ANKRD24: variants seen among roughly 807,000 people sequenced by gnomAD.
ANKRD24 encodes ankyrin repeat domain-containing protein 24.
A neutral mutation model predicts 127.8 loss-of-function variants in ANKRD24; 109 were observed. The observed-to-expected ratio is 0.85, with a 90% confidence interval of 0.73 to 1.00. The LOEUF is 1.00. Among genes scored for constraint, ANKRD24 ranks in the 50% least tolerant of loss-of-function variants. The pLI is 0.00. For missense variants in ANKRD24, 1,648 were observed against 1,570.2 expected, an observed-to-expected ratio of 1.05 and a Z score of -0.84; for synonymous variants, 743 against 671.1, an observed-to-expected ratio of 1.11 and a Z score of -1.66.
intron 10 of ANKRD24, 87 bp downstream of exon 10, chr19:4,208,055 AC>A (rs1331466827): frequency 1.5e-6 from 2 of 1,324,780 alleles, no homozygotes; most frequent in Admixed American, 3.4e-5. Flanking sequence ...GTTTCAAGGT[AC>A]CCCCGATTGG....
At chr19:4,219,780 C>G (rs1555720655) in intron 19 of ANKRD24, 22 bp downstream of exon 19, 1 of 1,583,234 alleles carries the variant, frequency 6.3e-7, no homozygotes, top group Non-Finnish European at 8.6e-7. Flanking sequence ...CTCTCCCACA[C>G]TCAGTCAGGG....
chr19:4,199,659 G>A lies in ANKRD24; in HGVS notation c.37-24G>A, dbSNP rs1203574024. On this transcript the variant is annotated intron_variant, in intron 2 of 21. Transcript: ENST00000318934. This position sits in a 1 kb window ranked among gnomAD's most constrained non-coding sequence, Gnocchi z 5.2. ...GGGGACACTGTCTGAGGACCCCCTC[G>A]CCCAGGACCACCTCCCCCTGCAGCT... The A allele has an allele frequency of 2.2e-5, 34 of 1,515,592 alleles. No individual in the cohort carries two copies. Among genetic ancestry groups the A allele is most frequent in the Middle Eastern group, 2.4e-4 (1 of 4,248 alleles). 93.9% of individuals were successfully genotyped at this position (1,515,592 alleles called of 1,614,324 possible). A position where few individuals can be genotyped will look rare whatever the true frequency, so the allele number is the denominator to read the frequency against.
Position 4,200,002 on chromosome 19 carries a change from C to T in ANKRD24, c.251C>T (p.Ser84Phe), listed in dbSNP as rs1291471886. The T allele has an allele frequency of 6.4e-7, 1 of 1,563,576 alleles. No homozygotes were observed. The highest frequency in any genetic ancestry group is 1.2e-5 in the South Asian group (1 of 85,068). ...ACGAAGCTAGACCCCGAGGGCAAGT[C>T]CGCGTGAGTGCCCGCGACCCGGGAG... ...VPTKLDPEGK[S>F]AFHLAAMRGA... Residue 84 changes from serine (S) to phenylalanine (F), a missense_variant, in exon 4 of 22, where the codon TCC becomes TTC. Ser to Phe is a radical substitution (Grantham distance 155, BLOSUM62 -2). Transcript: ENST00000318934.
At position 4,207,325 on chromosome 19, in the gene ANKRD24, G is replaced by C; in HGVS notation, c.537+13G>C. On this transcript the variant is annotated intron_variant, in intron 8 of 21. Coordinates refer to ENST00000318934, the MANE Select transcript of ANKRD24 (RefSeq NM_001393985.1). ...CCCCCAAGATCGGGTAAGCTTCTGGGATCTCTTCAGGGAAGATGTTATGCT... is the reference window on the plus strand; with the variant it reads ...CCCCCAAGATCGGGTAAGCTTCTGGCATCTCTTCAGGGAAGATGTTATGCT... The C allele has an allele frequency of 6.2e-7, 1 of 1,612,488 alleles. No homozygotes were observed. The highest frequency in any genetic ancestry group is 8.5e-7 in the Non-Finnish European group (1 of 1,178,618).
intron 16 of ANKRD24, 40 bp from the exon 17 acceptor site, chr19:4,216,244 G>A (rs1347436435): frequency 6.5e-7 from 1 of 1,535,520 alleles, no homozygotes; most frequent in African/African-American, 1.4e-5. Context: ...GTCCCCCTGT[G>A]GCCCAGGTCC....
intron 11 of ANKRD24, among the ~76,000 whole-genome samples, chr19:4,209,439 GTTGT>G (rs1007670400): frequency 6.8e-6 from 1 of 147,362 alleles, no homozygotes; most frequent in Non-Finnish European, 1.5e-5. Flanking sequence ...TGTTGTTGTT[GTTGT>G]TTGTTTGTTT....
chr19:4,183,865 G>T (rs943532245), intron 1 of ANKRD24, among the ~76,000 whole-genome samples: 1 of 152,102 alleles, frequency 6.6e-6, no homozygotes, highest in African/African-American at 2.4e-5. Flanking sequence ...CGGAGATCGC[G>T]CCATTGCACT....
At chr19:4,220,121 G>A (rs972368312) in intron 19 of ANKRD24, among the ~76,000 whole-genome samples, 41 of 152,228 alleles carry the variant, frequency 2.7e-4, no homozygotes, top group African/African-American at 8.2e-4. Flanking sequence ...ACAGGCATGC[G>A]ACACCACACC....
intron 1 of ANKRD24, 26 bp from the exon 2 acceptor site, chr19:4,186,364 C>G (rs1172288278): frequency 2.6e-6 from 4 of 1,556,200 alleles, no homozygotes; most frequent in Admixed American, 3.9e-5. Context: ...TGTCCCTCAC[C>G]TTACCCCCAC....
At position 4,224,191 on chromosome 19, in the gene ANKRD24, A is replaced by G; in HGVS notation, c.3362A>G (p.Gln1121Arg). The G allele has an allele frequency of 6.2e-7, 1 of 1,610,200 alleles. No individual in the cohort carries two copies. Among genetic ancestry groups the G allele is most frequent in the Non-Finnish European group, 8.5e-7 (1 of 1,178,476 alleles). ...LYRSHLLYAI[Q>R]GQMDEDVQRI... ...AGAAGCCACCTCCTATATGCCATTCAGGTGAGTGGCCCAGCTCCTGGGTAC... is the reference window on the plus strand; with the variant it reads ...AGAAGCCACCTCCTATATGCCATTCGGGTGAGTGGCCCAGCTCCTGGGTAC... The change falls in exon 21 of 22, where the codon CAG becomes CGG. Residue 1121 changes from glutamine to arginine, a missense_variant and splice_region_variant. Physicochemically the swap from Gln to Arg is conservative, Grantham distance 43 (BLOSUM62 1). Coordinates refer to ENST00000318934, the MANE Select transcript of ANKRD24 (RefSeq NM_001393985.1).
intron 7 of ANKRD24, among the ~76,000 whole-genome samples, chr19:4,206,375 C>G (rs1363990087): frequency 1.3e-5 from 2 of 151,176 alleles, no homozygotes; most frequent in Non-Finnish European, 3.0e-5. Context: ...TGGTGCACGC[C>G]TACAGTCCCG....
At chr19:4,223,789 C>T (rs916659886) in intron 20 of ANKRD24, among the ~76,000 whole-genome samples, 2 of 151,990 alleles carry the variant, frequency 1.3e-5, no homozygotes, top group Admixed American at 1.3e-4. Context: ...TGGTCTTGAT[C>T]TCTTGACCCT....
At position 4,195,275 on chromosome 19, in the gene ANKRD24, C is replaced by T. The variant is rs572073269; in HGVS notation, c.37-4408C>T. 6.6e-5 allele frequency among the ~76,000 whole-genome samples: 10 copies of T among 151,658 alleles called. No individual in the cohort carries two copies. The highest frequency in any genetic ancestry group is 4.2e-4 in the South Asian group (2 of 4,804). On this transcript the variant is annotated intron_variant, in intron 2 of 21. Transcript: ENST00000318934. This position sits in a 1 kb window ranked among gnomAD's most constrained non-coding sequence, Gnocchi z 4.2. ...TTTTAGTAGAGACGGGGTTTTGCCACGTTGGTCAGGCTGGTCTCGAACTCC... is the reference window on the plus strand; with the variant it reads ...TTTTAGTAGAGACGGGGTTTTGCCATGTTGGTCAGGCTGGTCTCGAACTCC...
chr19:4,216,630 C>A lies in ANKRD24; in HGVS notation c.1470C>A (p.Asp490Glu). 6.2e-7 allele frequency: 1 copy of A among 1,609,640 alleles called. No individual in the cohort carries two copies. Among genetic ancestry groups the A allele is most frequent in the Non-Finnish European group, 8.5e-7 (1 of 1,178,110 alleles). The change falls in exon 18 of 22, where the codon GAC becomes GAA. Residue 490 changes from aspartate (D) to glutamate (E), a missense_variant. Asp to Glu is a conservative substitution (Grantham distance 45, BLOSUM62 2). Transcript: ENST00000318934. Reference sequence around the variant, plus strand: ...AGGTCATCCCTCTTGCCCTCTATGACTCTCTCCGGGCCGAGTTTGACCAGC... The same window carrying A: ...AGGTCATCCCTCTTGCCCTCTATGAATCTCTCCGGGCCGAGTTTGACCAGC... ...LAEVIPLALY[D>E]SLRAEFDQLR...
chr19:4,201,867 G>A (rs554956756), intron 5 of ANKRD24, among the ~76,000 whole-genome samples, 159 bp from the exon 6 acceptor site: 4 of 152,070 alleles, frequency 2.6e-5, no homozygotes, highest in Non-Finnish European at 5.9e-5. Flanking sequence ...CTGGGCCACA[G>A]AGCAAGATCC....
Position 4,217,356 on chromosome 19 carries a change from G to T in ANKRD24, c.2196G>T (p.Leu732Phe), listed in dbSNP as rs749060658. The T allele has an allele frequency of 9.0e-6, 14 of 1,551,236 alleles. No individual in the cohort carries two copies. The highest frequency in any genetic ancestry group is 1.7e-4 in the Middle Eastern group (1 of 5,928). ...QVELETRIRG[L>F]EEALRQRERE... ...AGCTGGAGACCAGGATCCGTGGCTT[G>T]GAGGAGGCTCTCCGGCAGCGGGAGC... The change falls in exon 18 of 22, where the codon TTG becomes TTT. Residue 732 changes from leucine (L) to phenylalanine (F), a missense_variant. Leu to Phe is a conservative substitution (Grantham distance 22). Coordinates refer to ENST00000318934, the MANE Select transcript of ANKRD24 (RefSeq NM_001393985.1).
Position 4,222,528 on chromosome 19 carries a change from C to T in ANKRD24, c.3172-142C>T, listed in dbSNP as rs572290718. On this transcript the variant is annotated intron_variant, in intron 19 of 21. Coordinates refer to ENST00000318934, the MANE Select transcript of ANKRD24 (RefSeq NM_001393985.1). ...AAACAGGCTGTGGGCCAGACGTGGC[C>T]CTCAGGCCAGAGTTTGCTAACCCCA... The T allele has an allele frequency of 9.4e-6, 9 of 960,480 alleles. No individual in the cohort carries two copies. The African/African-American group carries it at 1.0e-4, about 11-fold the overall frequency. 59.5% of individuals were successfully genotyped at this position (960,480 alleles called of 1,614,324 possible). A position where few individuals can be genotyped will look rare whatever the true frequency, so the allele number is the denominator to read the frequency against.
At chr19:4,207,435 T>C (rs1969453658) in intron 8 of ANKRD24, 66 bp from the exon 9 acceptor site, 2 of 1,575,832 alleles carry the variant, frequency 1.3e-6, no homozygotes, top group African/African-American at 2.7e-5. Flanking sequence ...AGGGCAGTTA[T>C]ATAGGCTTCT....
chr19:4,193,039 G>T (rs1968469131), intron 2 of ANKRD24, among the ~76,000 whole-genome samples: 1 of 151,970 alleles, frequency 6.6e-6, no homozygotes, highest in South Asian at 2.1e-4. Context: ...AGTGACTCAC[G>T]CCTGTAATCC....
Sources: gnomAD v4.1 joint callset for allele counts (sites outside exome capture counted in the v4.1 genomes callset) on GRCh38, gnomAD v4.1.1 for gene constraint, Gnocchi (gnomAD v3.1) non-coding constraint, MANE v1.5 for transcripts, NCBI Gene and HGNC (gene_info 2026-07-23, HGNC 2026-07-21) for gene names.